ENPP2: variants seen among roughly 807,000 people sequenced by gnomAD.
ENPP2 encodes the protein ectonucleotide pyrophosphatase/phosphodiesterase 2.
ENPP2 carries 51 observed loss-of-function variants against 120.2 expected under a neutral mutation model. The ratio of observed to expected loss-of-function variants is 0.42; its 90% confidence interval spans 0.34 to 0.54. ENPP2 has a LOEUF of 0.54. Ranked by LOEUF, ENPP2 falls within the 20% of genes least tolerant of loss-of-function variation. The pLI is 0.04. For missense variants in ENPP2, 920 were observed against 1,066.5 expected (o/e 0.86, Z 1.91); for synonymous variants, 365 against 366.4 (o/e 1.00, Z 0.04).
chr8:119,558,077 A>T (rs1813609699), intron 24 of ENPP2, among the ~76,000 whole-genome samples: 1 of 152,246 alleles, frequency 6.6e-6, no homozygotes, highest in Non-Finnish European at 1.5e-5. Flanking sequence ...AGTAACTTGG[A>T]ATATGCTTCT....
intron 19 of ENPP2, among the ~76,000 whole-genome samples, chr8:119,573,957 G>A (rs1812156352): frequency 6.6e-6 from 1 of 151,154 alleles, no homozygotes; most frequent in African/African-American, 2.4e-5. Context: ...AGCATAATAA[G>A]GGGAAAAAAT....
At chr8:119,670,296 T>TGCTA (rs1449584833) in intron 1 of ENPP2, among the ~76,000 whole-genome samples, 1 of 152,216 alleles carries the variant, frequency 6.6e-6, no homozygotes, top group African/African-American at 2.4e-5. Flanking sequence ...AGCCTTCCAT[T>TGCTA]GCTAAATAAG....
At chr8:119,639,644 G>T (rs1191134679), upstream of ENPP2, among the ~76,000 whole-genome samples, 1 of 152,058 alleles carries the variant, frequency 6.6e-6, no homozygotes, top group Non-Finnish European at 1.5e-5. Flanking sequence ...GCAGATGGGT[G>T]GGGGAAGGGG....
upstream of ENPP2, among the ~76,000 whole-genome samples, chr8:119,642,637 G>T (rs867738824): frequency 1.1e-4 from 16 of 152,262 alleles, no homozygotes; most frequent in African/African-American, 3.9e-4. Context: ...GGACATTAAA[G>T]TTTAGATCTC....
intron 22 of ENPP2, among the ~76,000 whole-genome samples, chr8:119,565,158 G>A (rs991258570): frequency 2.0e-5 from 3 of 150,910 alleles, no homozygotes; most frequent in Non-Finnish European, 4.4e-5. Context: ...ACAGTGTAGA[G>A]CTATGAAACA....
At chr8:119,573,407 T>TAAAAAAAAAAAAAAAAAA (rs1563680979) in intron 19 of ENPP2, among the ~76,000 whole-genome samples, 5 of 71,544 alleles carry the variant, frequency 7.0e-5, no homozygotes, top group African/African-American at 3.6e-4. Context: ...GCTCCGTCTC[T>TAAAAAAAAAAAAAAAAAA]TAAAAAAAAA....
In ENPP2 at chr8:119,626,549, C is replaced by T; in HGVS notation, c.292+16G>A. 6.2e-7 allele frequency: 1 copy of T among 1,611,092 alleles called. No homozygotes were observed. The highest frequency in any genetic ancestry group is 2.2e-5 in the East Asian group (1 of 44,818). On this transcript the variant is annotated intron_variant, in intron 3 of 24. Coordinates refer to ENST00000075322, the MANE Select transcript of ENPP2 (RefSeq NM_001040092.3). ...GCCATCTACTTGAAGGTAGAGAGGA[C>T]TCATAAGTTACGTACCTGTCTTCAA...
chr8:119,663,222 G>T (rs532744512), intron 1 of ENPP2, among the ~76,000 whole-genome samples: 8 of 152,156 alleles, frequency 5.3e-5, no homozygotes, highest in Non-Finnish European at 1.2e-4. Context: ...TTCAAGTTAG[G>T]TCAAAAAACA....
At chr8:119,636,305 T>A (rs1192558468) in intron 2 of ENPP2, among the ~76,000 whole-genome samples, 1 of 152,210 alleles carries the variant, frequency 6.6e-6, no homozygotes, top group African/African-American at 2.4e-5. Flanking sequence ...ACAGGATGCT[T>A]TTACCTAGTT....
chr8:119,668,611 G>C (rs1397265756), intron 1 of ENPP2, among the ~76,000 whole-genome samples: 1 of 151,018 alleles, frequency 6.6e-6, no homozygotes, highest in Non-Finnish European at 1.5e-5. Context: ...CTATTTTTAG[G>C]AGAGACAGGG....
chr8:119,658,546 T>C (rs1012013370), intron 1 of ENPP2, among the ~76,000 whole-genome samples: 3 of 152,204 alleles, frequency 2.0e-5, no homozygotes, highest in African/African-American at 4.8e-5. Context: ...GCCACTTTAC[T>C]AGCTGGCTAA....
intron 1 of ENPP2, among the ~76,000 whole-genome samples, chr8:119,651,381 A>G (rs1817621546): frequency 6.6e-6 from 1 of 152,222 alleles, no homozygotes; most frequent in Non-Finnish European, 1.5e-5. Flanking sequence ...GGACATTTAC[A>G]TAGTGCATAA....
In ENPP2 at chr8:119,580,128, C is replaced by T; in HGVS notation, c.1768G>A (p.Gly590Arg). Residue 590 changes from glycine (G) to arginine (R), a missense_variant, in exon 19 of 25, where the codon GGG (glycine) becomes AGG (arginine). By Grantham distance (125) the Gly-to-Arg change is moderately radical (BLOSUM62 -2). Transcript: ENST00000075322. ...DELNKRLHTK[G>R]STEERHLLYG... The stretch of plus-strand genomic sequence containing the variant: ...AACCACCCCTTACCTTCTGTAGACC[C>T]TTTTGTATGAAGCCGTTTGTTGAGT... 6.2e-7 allele frequency: 1 copy of T among 1,613,360 alleles called. No individual in the cohort carries two copies. Among genetic ancestry groups the T allele is most frequent in the Non-Finnish European group, 8.5e-7 (1 of 1,179,298 alleles).
At chr8:119,602,634 G>A (rs544223915) in intron 9 of ENPP2, among the ~76,000 whole-genome samples, 1 of 152,218 alleles carries the variant, frequency 6.6e-6, no homozygotes, top group East Asian at 1.9e-4. Context: ...TGACAGTATT[G>A]CATCCCCGGC....
intron 19 of ENPP2, among the ~76,000 whole-genome samples, chr8:119,574,747 C>T (rs954326810): frequency 2.6e-5 from 4 of 152,108 alleles, no homozygotes; most frequent in Non-Finnish European, 4.4e-5. Context: ...CATACACTCC[C>T]ACAATAATAT....
At chr8:119,662,517 G>A (rs1040766015) in intron 1 of ENPP2, among the ~76,000 whole-genome samples, 2 of 152,144 alleles carry the variant, frequency 1.3e-5, no homozygotes, top group Non-Finnish European at 2.9e-5. Flanking sequence ...CTCAGCAGCA[G>A]GTGTTCAAAC....
At chr8:119,595,323 A>G (rs1419043291) in intron 11 of ENPP2, among the ~76,000 whole-genome samples, 1 of 152,168 alleles carries the variant, frequency 6.6e-6, no homozygotes, top group Non-Finnish European at 1.5e-5. Context: ...AAGAGTAGAC[A>G]TTACTTGTGG....
chr8:119,665,105 ACCCATCCT>A (rs1465251408), intron 1 of ENPP2, among the ~76,000 whole-genome samples: 1 of 152,090 alleles, frequency 6.6e-6, no homozygotes, highest in East Asian at 1.9e-4. Flanking sequence ...TTGGGTTAGG[ACCCATCCT>A]CATGACCTGC....
At chr8:119,616,210 T>C (rs1308094448) in intron 8 of ENPP2, 55 bp downstream of exon 8, 3 of 1,502,834 alleles carry the variant, frequency 2.0e-6, no homozygotes, top group African/African-American at 1.4e-5. Context: ...GGGGATGAAA[T>C]GTCTCAATAC....
Sources: gnomAD v4.1 joint callset for allele counts (sites outside exome capture counted in the v4.1 genomes callset) on GRCh38, gnomAD v4.1.1 for gene constraint, MANE v1.5 for transcripts, NCBI Gene and HGNC (gene_info 2026-07-23, HGNC 2026-07-21) for gene names.